PACS2: variants seen among roughly 807,000 people sequenced by gnomAD.
PACS2 encodes PACS1-like protein.
Under a neutral mutation model 113.0 loss-of-function variants are expected in PACS2, and 36 were observed. The observed-to-expected ratio is 0.32, with a 90% CI of 0.24 to 0.42. The LOEUF is 0.42. PACS2 is among the 10% of genes least tolerant of loss of function. The pLI is 1.00. For missense variants in PACS2, 1,015 were observed against 1,239.5 expected (o/e 0.82, Z 2.72); for synonymous variants, 589 against 536.1 (o/e 1.10, Z -1.36).
chr14:105,349,802 T>C (rs12885806), intron 2 of PACS2, among the ~76,000 whole-genome samples: 7 of 150,216 alleles, frequency 4.7e-5, no homozygotes, highest in African/African-American at 1.2e-4. Context: ...TCCAGGAGCG[T>C]GTGGCTAATA....
Position 105,384,942 on chromosome 14 carries a change from A to G in PACS2, c.1955A>G (p.His652Arg). 6.2e-7 allele frequency: 1 copy of G among 1,600,342 alleles called. No individual in the cohort carries two copies. The highest frequency in any genetic ancestry group is 1.1e-5 in the South Asian group (1 of 88,800). ...TQYIAGANCA[H>R]QLPIAEAMLT... is the part of the protein sequence containing the mutation. Reference sequence around the variant, plus strand: ...TACATCGCAGGGGCCAACTGTGCCCACCAGCTCCCCATCGCAGAGGCCATG... The same window carrying G: ...TACATCGCAGGGGCCAACTGTGCCCGCCAGCTCCCCATCGCAGAGGCCATG... The change falls in exon 18 of 25, where the codon CAC becomes CGC. Residue 652 changes from histidine (H) to arginine (R), a missense_variant. His to Arg is a conservative substitution (Grantham distance 29). Transcript: ENST00000447393.
At chr14:105,385,576 G>A (rs1167394122) in intron 18 of PACS2, 109 bp from the exon 19 acceptor site, 43 of 649,040 alleles carry the variant, frequency 6.6e-5, no homozygotes, top group East Asian at 5.5e-4. Context: ...GCTCTCCCAC[G>A]CAGGAGCCCC....
chr14:105,384,271 G>A, intron 16 of PACS2, 82 bp from the exon 17 acceptor site: 1 of 792,276 alleles, frequency 1.3e-6, no homozygotes, highest in Non-Finnish European at 2.1e-6. Context: ...CTGGGGTCGG[G>A]TGGCCCAGCT....
rs1439395384 is a variant in PACS2 at position 105,369,715 on chromosome 14, G to A, written c.742-126G>A. On this transcript the variant is annotated intron_variant, in intron 7 of 24. Transcript: ENST00000447393. ...AGCCACGAGCGAATCCATCAGCGTGGCTGGTGCTGAGGCCTTGCTGCTCTC... is the reference window on the plus strand; with the variant it reads ...AGCCACGAGCGAATCCATCAGCGTGACTGGTGCTGAGGCCTTGCTGCTCTC... 11 of 728,450 alleles carry A rather than the reference G, an allele frequency of 1.5e-5. 1 individual carries two copies. In the Admixed American group the frequency reaches 1.6e-4, roughly 11 times the overall value. 45.1% of individuals were successfully genotyped at this position (728,450 alleles called of 1,614,324 possible).
rs1348456612 is a variant in PACS2 at position 105,354,988 on chromosome 14, G to C, written c.298-64G>C. 6.4e-7 allele frequency: 1 copy of C among 1,570,472 alleles called. No homozygotes were observed. The highest frequency in any genetic ancestry group is 2.3e-5 in the East Asian group (1 of 43,478). On this transcript the variant is annotated intron_variant, in intron 3 of 24. Coordinates refer to ENST00000447393, the MANE Select transcript of PACS2 (RefSeq NM_001100913.3). The surrounding 1 kb of genome is among the most constrained non-coding windows in gnomAD (Gnocchi z 4.2). ...AGGCTGCAGGGTGGCTGGGCCGTCA[G>C]AGGCCGTGATGCTGCCTGGGGCCCC...
chr14:105,324,868 A>C lies in PACS2; in HGVS notation c.119+9831A>C, dbSNP rs1237836832. Among the ~76,000 whole-genome samples the C allele has an allele frequency of 2.0e-5, 3 of 152,062 alleles. No individual in the cohort carries two copies. The highest frequency in any genetic ancestry group is 2.9e-5 in the Non-Finnish European group (2 of 67,988). On this transcript the variant is annotated intron_variant, in intron 1 of 24. Coordinates refer to ENST00000447393, the MANE Select transcript of PACS2 (RefSeq NM_001100913.3). The surrounding 1 kb of genome is among the most constrained non-coding windows in gnomAD (Gnocchi z 4.7). The stretch of plus-strand genomic sequence containing the variant: ...CCATGCTGGGTCCCCTGGGGTGCAG[A>C]TGCCGCTCAACAGAGGAGTCAGGAC...
rs782493331 is a variant in PACS2 at position 105,384,430 on chromosome 14, G to T, written c.1858G>T (p.Asp620Tyr). The T allele has an allele frequency of 6.2e-7, 1 of 1,612,006 alleles. No homozygotes were observed. Among genetic ancestry groups the T allele is most frequent in the East Asian group, 2.2e-5 (1 of 44,868 alleles). Residue 620 changes from aspartate to tyrosine, a missense_variant, in exon 17 of 25, where the codon GAC (aspartate) becomes TAC (tyrosine). Coordinates refer to ENST00000447393, the MANE Select transcript of PACS2 (RefSeq NM_001100913.3). ...CTTCTTCCAGGACCTGGCCTGGAGA[G>T]ACCTGTTCAACAAGCTGGAGGCCCA... Reference protein sequence around the residue: ...NNFFQDLAWRDLFNKLEAQSA... With the variant: ...NNFFQDLAWRYLFNKLEAQSA...
intron 9 of PACS2, among the ~76,000 whole-genome samples, chr14:105,377,413 T>C (rs2080824562): frequency 6.6e-6 from 1 of 151,744 alleles, no homozygotes; most frequent in South Asian, 2.1e-4. Context: ...TGGCCTGGCC[T>C]GGGCAGGAGG....
At chr14:105,386,253 G>C (rs986345469) in intron 19 of PACS2, among the ~76,000 whole-genome samples, 3 of 152,208 alleles carry the variant, frequency 2.0e-5, no homozygotes, top group Non-Finnish European at 2.9e-5. Context: ...GGACGCCCAA[G>C]CAAGTAGTTA....
At chr14:105,322,033 G>A (rs1435234982) in intron 1 of PACS2, among the ~76,000 whole-genome samples, 1 of 151,568 alleles carries the variant, frequency 6.6e-6, no homozygotes, top group Non-Finnish European at 1.5e-5. Context: ...CTCCTCCCGG[G>A]TTCAAGCGAT....
Position 105,340,270 on chromosome 14 carries a change from T to C in PACS2, c.120-8223T>C, listed in dbSNP as rs1555401323. The stretch of plus-strand genomic sequence containing the variant: ...ATATACTTCTGGGTAAATGGTTTGG[T>C]GATAACTGAACATTCATGTAGGAAA... On this transcript the variant is annotated intron_variant, in intron 1 of 24. Transcript: ENST00000447393. The surrounding 1 kb of genome is among the most constrained non-coding windows in gnomAD (Gnocchi z 4.2). 1.3e-5 allele frequency among the ~76,000 whole-genome samples: 2 copies of C among 152,188 alleles called. No homozygotes were observed. Among genetic ancestry groups the C allele is most frequent in the African/African-American group, 2.4e-5 (1 of 41,432 alleles).
At position 105,330,461 on chromosome 14, in the gene PACS2, A is replaced by G. The variant is rs587604165; in HGVS notation, c.119+15424A>G. ...TGCCTTAGACGAGGTCACACAGGGG[A>G]AGGTTACTGTGCCGCAGAGTTTTCT... On this transcript the variant is annotated intron_variant, in intron 1 of 24. Coordinates refer to ENST00000447393, the MANE Select transcript of PACS2 (RefSeq NM_001100913.3). This position sits in a 1 kb window ranked among gnomAD's most constrained non-coding sequence, Gnocchi z 6.9. Among the ~76,000 whole-genome samples the G allele has an allele frequency of 1.2e-4, 18 of 152,234 alleles. No individual in the cohort carries two copies. Among genetic ancestry groups the G allele is most frequent in the African/African-American group, 4.3e-4 (18 of 41,536 alleles).
At chr14:105,380,042 A>T in intron 10 of PACS2, 38 bp from the exon 11 acceptor site, 1 of 1,530,446 alleles carries the variant, frequency 6.5e-7, no homozygotes, top group Non-Finnish European at 8.9e-7. Context: ...TGGCACCTGC[A>T]GTTGAGCACA....
At position 105,394,718 on chromosome 14, in the gene PACS2, C is replaced by A; in HGVS notation, c.*46C>A. The A allele has an allele frequency of 8.6e-7, 1 of 1,162,580 alleles. No individual in the cohort carries two copies. The highest frequency in any genetic ancestry group is 1.5e-5 in the African/African-American group (1 of 66,410). The allele number at this position is 1,162,580 out of a possible 1,614,324, so 72.0% of individuals were successfully genotyped here. On this transcript the variant is annotated 3_prime_UTR_variant, in exon 25 of 25. Transcript: ENST00000447393. ...ACCTCCTGCCCCATGCTGTGAGGGGCCCAGCTGCATTTCTGTTAACATTTC... is the reference window on the plus strand; with the variant it reads ...ACCTCCTGCCCCATGCTGTGAGGGGACCAGCTGCATTTCTGTTAACATTTC...
chr14:105,394,498 G>T (rs2081478594), intron 24 of PACS2, 56 bp from the exon 25 acceptor site: 1 of 1,601,478 alleles, frequency 6.2e-7, no homozygotes, highest in African/African-American at 1.3e-5. Flanking sequence ...CAGGCAGGTG[G>T]ATAGGGTGGG....
Position 105,386,613 on chromosome 14 carries a change from C to T in PACS2, c.2033+896C>T, listed in dbSNP as rs118079196. Among the ~76,000 whole-genome samples the T allele has an allele frequency of 1.1e-3, 170 of 152,250 alleles. 4 individuals are homozygous for T. In the East Asian group the frequency reaches 0.028, roughly 25 times the overall value. ...CCTCCCATGGGCTCGTTCTCTACCC[C>T]GTGTCTTCTGCCCTGTGTGAGGTCA... is the stretch of plus-strand genomic sequence containing the variant. On this transcript the variant is annotated intron_variant, in intron 19 of 24. Coordinates refer to ENST00000447393, the MANE Select transcript of PACS2 (RefSeq NM_001100913.3).
chr14:105,313,660 C>T, upstream of PACS2, among the ~76,000 whole-genome samples: 1 of 152,282 alleles, frequency 6.6e-6, no homozygotes, highest in East Asian at 1.9e-4. Context: ...AAGAAACCAG[C>T]TCCAGGTCAA....
intron 23 of PACS2, 40 bp from the exon 24 acceptor site, chr14:105,393,182 G>A (rs2081419800): frequency 2.0e-6 from 3 of 1,509,306 alleles, no homozygotes; most frequent in Non-Finnish European, 2.8e-6. Flanking sequence ...AGCCCCGAAG[G>A]AGCAGCAAGA....
intron 1 of PACS2, among the ~76,000 whole-genome samples, chr14:105,346,512 C>T (rs1453243476): frequency 2.4e-5 from 3 of 127,132 alleles, no homozygotes; most frequent in Non-Finnish European, 5.0e-5. Flanking sequence ...CACGGCTCCC[C>T]CACCCACACC....
Sources: gnomAD v4.1 joint callset for allele counts (sites outside exome capture counted in the v4.1 genomes callset) on GRCh38, gnomAD v4.1.1 for gene constraint, Gnocchi (gnomAD v3.1) non-coding constraint, MANE v1.5 for transcripts, NCBI Gene and HGNC (gene_info 2026-07-23, HGNC 2026-07-21) for gene names.